The following ANKS1B variants were observed in gnomAD, a reference collection of about 807,000 sequenced individuals.
ANKS1B encodes the protein ankyrin repeat and sterile alpha motif domain containing 1B.
A neutral mutation model predicts 148.3 loss-of-function variants in ANKS1B; 36 were observed. That is an observed-to-expected ratio of 0.24 (90% CI 0.19 to 0.32). The LOEUF is 0.32. Among genes scored for constraint, ANKS1B ranks in the 10% least tolerant of loss-of-function variants. The probability of loss-of-function intolerance (pLI) is 1.00; values close to 1 mark genes in which losing one functional copy is unlikely to be tolerated. For missense variants in ANKS1B, 1,157 were observed against 1,542.6 expected, an observed-to-expected ratio of 0.75 and a Z score of 4.19; for synonymous variants, 542 against 560.8, an observed-to-expected ratio of 0.97 and a Z score of 0.47.
intron 12 of ANKS1B, among the ~76,000 whole-genome samples, chr12:99,284,557 T>C (rs1205716718): frequency 6.6e-6 from 1 of 152,222 alleles, no homozygotes; most frequent in African/African-American, 2.4e-5. Flanking sequence ...CTTCCCTCCA[T>C]TTCTACTCCT....
chr12:98,966,116 A>G, intron 17 of ANKS1B, among the ~76,000 whole-genome samples: 1 of 152,232 alleles, frequency 6.6e-6, no homozygotes. Flanking sequence ...CAGGCAACCT[A>G]CAGAATGGGA....
At chr12:99,580,400 G>A (rs1172754780) in intron 9 of ANKS1B, among the ~76,000 whole-genome samples, 2 of 152,074 alleles carry the variant, frequency 1.3e-5, no homozygotes, top group African/African-American at 4.8e-5. Flanking sequence ...TTTATAATAT[G>A]TTCAAAAATA....
At chr12:99,045,733 T>C (rs147818657) in intron 17 of ANKS1B, among the ~76,000 whole-genome samples, 4 of 152,292 alleles carry the variant, frequency 2.6e-5, no homozygotes, top group African/African-American at 9.6e-5. Flanking sequence ...GCAACGGGCA[T>C]GAGGCATTGA....
intron 15 of ANKS1B, among the ~76,000 whole-genome samples, chr12:99,109,382 G>C (rs2059844522): frequency 6.6e-6 from 1 of 152,176 alleles, no homozygotes; most frequent in Non-Finnish European, 1.5e-5. Flanking sequence ...GCCAGGCCCT[G>C]AGCTAGATGC....
chr12:99,411,407 T>C (rs2094702153), intron 11 of ANKS1B, among the ~76,000 whole-genome samples: 1 of 152,226 alleles, frequency 6.6e-6, no homozygotes. Context: ...GGCTGCATAG[T>C]ATTCCACAGT....
chr12:99,560,849 T>C (rs1266944716), intron 9 of ANKS1B, among the ~76,000 whole-genome samples: 30 of 128,844 alleles, frequency 2.3e-4, no homozygotes, highest in East Asian at 1.7e-3. Flanking sequence ...TCTTTTTTTT[T>C]TTTTTTTTTT....
At chr12:99,328,404 GA>G (rs545241438) in intron 12 of ANKS1B, among the ~76,000 whole-genome samples, 7 of 151,898 alleles carry the variant, frequency 4.6e-5, no homozygotes, top group African/African-American at 1.5e-4. Flanking sequence ...AACACTGGGG[GA>G]AAAAACACCT....
intron 14 of ANKS1B, among the ~76,000 whole-genome samples, chr12:99,235,733 T>C (rs2087778316): frequency 6.6e-6 from 1 of 152,222 alleles, no homozygotes; most frequent in Admixed American, 6.5e-5. Flanking sequence ...TAAAATCTAA[T>C]GCAAACCTGT....
chr12:99,779,146 A>G (rs776565340), intron 6 of ANKS1B, among the ~76,000 whole-genome samples: 1 of 152,222 alleles, frequency 6.6e-6, no homozygotes, highest in Admixed American at 6.5e-5. Flanking sequence ...TCAAGTGGAG[A>G]AGTATGCAAG....
intron 8 of ANKS1B, among the ~76,000 whole-genome samples, chr12:99,677,564 C>T (rs1258489252): frequency 6.6e-6 from 1 of 152,178 alleles, no homozygotes; most frequent in African/African-American, 2.4e-5. Context: ...ATGTCTGCTG[C>T]TGAGAACACT....
intron 4 of ANKS1B, among the ~76,000 whole-genome samples, chr12:99,783,190 C>CAAAAA (rs766608067): frequency 1.6e-5 from 1 of 62,428 alleles, no homozygotes; most frequent in Non-Finnish European, 3.4e-5. Flanking sequence ...GAATCCATCG[C>CAAAAA]AAAAAAAAAA....
At chr12:99,668,090 T>C (rs891513092) in intron 8 of ANKS1B, among the ~76,000 whole-genome samples, 3 of 152,182 alleles carry the variant, frequency 2.0e-5, no homozygotes, top group Non-Finnish European at 2.9e-5. Flanking sequence ...TCTAAAAGGA[T>C]TTCACCAGTA....
At chr12:99,674,289 A>G (rs2098551811) in intron 8 of ANKS1B, among the ~76,000 whole-genome samples, 1 of 151,882 alleles carries the variant, frequency 6.6e-6, no homozygotes, top group African/African-American at 2.4e-5. Flanking sequence ...AAACTTTGTC[A>G]TATTTTATTA....
At chr12:99,504,341 A>G (rs1315158211) in intron 10 of ANKS1B, 135 bp downstream of exon 10, 13 of 914,606 alleles carry the variant, frequency 1.4e-5, no homozygotes, top group Non-Finnish European at 2.1e-5. Flanking sequence ...TTCAAAATGA[A>G]AAAATAATTA....
intron 9 of ANKS1B, among the ~76,000 whole-genome samples, chr12:99,544,136 A>T (rs991553307): frequency 6.6e-6 from 1 of 152,180 alleles, no homozygotes; most frequent in Admixed American, 6.6e-5. Flanking sequence ...TTAAAAAAAA[A>T]CTACCTTGTG....
rs1002112648 is a variant in ANKS1B, at chr12:99,497,111, C to A, written c.1438+7365G>T. Among the ~76,000 whole-genome samples, 5 of 152,190 alleles carry A rather than the reference C, an allele frequency of 3.3e-5. No homozygotes were observed. In the South Asian group the frequency reaches 8.3e-4, roughly 25 times the overall value. ...ATTGGGTATTTGAGGATACCCAAATCTACGGATGCTTAAGTCTCTTCTATA... is the reference window on the plus strand; with the variant it reads ...ATTGGGTATTTGAGGATACCCAAATATACGGATGCTTAAGTCTCTTCTATA... On this transcript the variant is annotated intron_variant, in intron 10 of 26. Transcript: ENST00000683438.
At chr12:99,980,640 G>C (rs2095687486) in intron 1 of ANKS1B, among the ~76,000 whole-genome samples, 1 of 152,008 alleles carries the variant, frequency 6.6e-6, no homozygotes, top group Non-Finnish European at 1.5e-5. Context: ...AAGAAGGAAA[G>C]AGAGAGTAGA....
intron 16 of ANKS1B, among the ~76,000 whole-genome samples, chr12:99,063,937 T>C (rs2043245891): frequency 6.6e-6 from 1 of 152,208 alleles, no homozygotes; most frequent in African/African-American, 2.4e-5. Context: ...GACTCTGTTA[T>C]GGATACAATT....
At chr12:99,512,809 C>A (rs1466582207) in intron 9 of ANKS1B, among the ~76,000 whole-genome samples, 1 of 152,032 alleles carries the variant, frequency 6.6e-6, no homozygotes, top group Non-Finnish European at 1.5e-5. Context: ...GAACAGACAA[C>A]CAAATACCAC....
Sources: gnomAD v4.1 joint callset for allele counts (sites outside exome capture counted in the v4.1 genomes callset) on GRCh38, gnomAD v4.1.1 for gene constraint, MANE v1.5 for transcripts, NCBI Gene and HGNC (gene_info 2026-07-23, HGNC 2026-07-21) for gene names.